Variants in CCNT1 observed in about 807,000 individuals in gnomAD.
CCNT1 encodes the protein cyclin T1.
Under a neutral mutation model 67.3 loss-of-function variants are expected in CCNT1, and 18 were observed. That is an observed-to-expected ratio of 0.27 (90% confidence interval 0.18 to 0.40). CCNT1 has a LOEUF of 0.40. CCNT1 is among the 10% of genes least tolerant of loss of function. The probability of loss-of-function intolerance (pLI) is 1.00; values close to 1 mark genes in which losing one functional copy is unlikely to be tolerated. For missense variants in CCNT1, 744 were observed against 884.9 expected, an observed-to-expected ratio of 0.84 and a Z score of 2.02; for synonymous variants, 333 against 310.3, an observed-to-expected ratio of 1.07 and a Z score of -0.77.
In CCNT1 at chr12:48,689,167, ACACT is replaced by A. The variant is rs3832822; in HGVS notation, c.*3862_*3865del. The A allele has an allele frequency of 3.3e-5, 5 of 152,226 alleles. No individual in the cohort carries two copies. The highest frequency in any genetic ancestry group is 1.2e-4 in the African/African-American group (5 of 41,450). 9.4% of individuals were successfully genotyped at this position (152,226 alleles called of 1,614,324 possible). On this transcript the variant is annotated 3_prime_UTR_variant, in exon 9 of 9. Coordinates refer to ENST00000261900, the MANE Select transcript of CCNT1 (RefSeq NM_001240.4). ...TCTTTTTTTCATTAGCCATGAATAA[ACACT>A]CACAAAGGGGAAGAGTAGACACTGC... is the stretch of plus-strand genomic sequence containing the variant.
intron 5 of CCNT1, 25 bp from the exon 6 acceptor site, chr12:48,698,208 G>A (rs749809935): frequency 6.8e-7 from 1 of 1,460,940 alleles, no homozygotes; most frequent in Non-Finnish European, 9.3e-7. Flanking sequence ...AAAAAGTCAG[G>A]GGTGGGGGAG....
intron 6 of CCNT1, chr12:48,697,853 AAAAT>A (rs200036072): frequency 0.44 from 53,639 of 121,244 alleles, 11,298 homozygotes; most frequent in East Asian, 0.69. Context: ...AAAAAAAAAA[AAAAT>A]ATATATATAT....
At chr12:48,716,177 C>T (rs1412667185) in intron 1 of CCNT1, among the ~76,000 whole-genome samples, 1 of 152,168 alleles carries the variant, frequency 6.6e-6, no homozygotes, top group African/African-American at 2.4e-5. Flanking sequence ...AGACCTAGAC[C>T]CCTAGGGCAC....
At position 48,693,042 on chromosome 12, in the gene CCNT1, A is replaced by C; in HGVS notation, c.2172T>G (p.Leu724=). Residue 724 remains leucine (L), a synonymous_variant, in exon 9 of 9, where the codon CTT becomes CTG. Coordinates refer to ENST00000261900, the MANE Select transcript of CCNT1 (RefSeq NM_001240.4). ...PSEPPPPLPP[L]PK ...TCTTCTTTTTCTTTTTTTACTTAGG[A>C]AGGGGTGGAAGTGGTGGAGGAGGTT... 1 of 1,546,336 alleles carries C rather than the reference A, an allele frequency of 6.5e-7. No individual in the cohort carries two copies. The highest frequency in any genetic ancestry group is 8.8e-7 in the Non-Finnish European group (1 of 1,137,752).
intron 3 of CCNT1, among the ~76,000 whole-genome samples, chr12:48,704,558 C>G (rs1273551319): frequency 6.6e-6 from 1 of 152,192 alleles, no homozygotes; most frequent in East Asian, 1.9e-4. Flanking sequence ...TGCCTGTAAT[C>G]CCACCACTGT....
Position 48,692,052 on chromosome 12 carries a change from G to T in CCNT1, c.*981C>A, listed in dbSNP as rs1940083351. The T allele has an allele frequency of 6.6e-6, 1 of 151,900 alleles. No individual in the cohort carries two copies. Among genetic ancestry groups the T allele is most frequent in the African/African-American group, 2.4e-5 (1 of 41,320 alleles). The allele number at this position is 151,900 out of a possible 1,614,324, so 9.4% of individuals were successfully genotyped here. ...AAAAAAGACACACCCAATTCTGTAG[G>T]GCAGAAGCTGGCCTTGCTCGCCAAC... On this transcript the variant is annotated 3_prime_UTR_variant, in exon 9 of 9. Coordinates refer to ENST00000261900, the MANE Select transcript of CCNT1 (RefSeq NM_001240.4).
chr12:48,713,195 T>C (rs1046288529), intron 2 of CCNT1, among the ~76,000 whole-genome samples: 1 of 131,784 alleles, frequency 7.6e-6, no homozygotes, highest in Non-Finnish European at 1.6e-5. Context: ...TAAAATTTTT[T>C]TTACCTTTTT....
rs1487615893 is a variant in CCNT1 at position 48,690,018 on chromosome 12, T to C, written c.*3015A>G. On this transcript the variant is annotated 3_prime_UTR_variant, in exon 9 of 9. Transcript: ENST00000261900. ...GAAGAAAAAAGAAGTTGAGGCTCTC[T>C]GATATGGACATACACTGATTCATGA... 1 of 152,222 alleles carries C rather than the reference T, an allele frequency of 6.6e-6. No individual in the cohort carries two copies. Among genetic ancestry groups the C allele is most frequent in the East Asian group, 1.9e-4 (1 of 5,200 alleles). 9.4% of individuals were successfully genotyped at this position (152,222 alleles called of 1,614,324 possible).
intron 8 of CCNT1, 150 bp from the exon 9 acceptor site, chr12:48,694,586 C>T (rs1940140713): frequency 1.6e-6 from 1 of 638,622 alleles, no homozygotes; most frequent in Non-Finnish European, 2.7e-6. Context: ...ATAAATATTA[C>T]CATCAAGAGA....
chr12:48,704,862 G>A (rs535535495), intron 3 of CCNT1, among the ~76,000 whole-genome samples: 110 of 152,188 alleles, frequency 7.2e-4, no homozygotes, highest in African/African-American at 2.4e-3. Context: ...GGTGAGTTAC[G>A]TAATTATTTC....
chr12:48,694,071 A>G lies in CCNT1; in HGVS notation c.1143T>C (p.Ser381=), dbSNP rs761810871. The G allele has an allele frequency of 6.2e-7, 1 of 1,614,146 alleles. No homozygotes were observed. The highest frequency in any genetic ancestry group is 1.6e-4 in the Middle Eastern group (1 of 6,062). The change falls in exon 9 of 9, where the codon AGT becomes AGC. Residue 381 remains serine (S), a synonymous_variant. Coordinates refer to ENST00000261900, the MANE Select transcript of CCNT1 (RefSeq NM_001240.4). ...TCAGTGACACTTTAGCTGATGGCAC[A>G]CTCTTACTATTCTGCTTCTGGGAAA... ...AFISQKQNSK[S]VPSAKVSLKE...
intron 1 of CCNT1, among the ~76,000 whole-genome samples, chr12:48,715,909 G>C (rs1940526178): frequency 6.6e-6 from 1 of 152,186 alleles, no homozygotes; most frequent in South Asian, 2.1e-4. Context: ...CTATAAAACA[G>C]TAGCTACTAA....
chr12:48,706,028 C>T, intron 2 of CCNT1, 132 bp from the exon 3 acceptor site: 1 of 727,430 alleles, frequency 1.4e-6, no homozygotes, highest in Non-Finnish European at 2.1e-6. Context: ...TTACCCTTTC[C>T]CGCCCCCCCG....
At chr12:48,713,899 T>C (rs1253672434) in intron 2 of CCNT1, among the ~76,000 whole-genome samples, 1 of 151,864 alleles carries the variant, frequency 6.6e-6, no homozygotes, top group African/African-American at 2.4e-5. Flanking sequence ...ATCTGTTTTT[T>C]GGGGTTTTTT....
At position 48,693,375 on chromosome 12, in the gene CCNT1, C is replaced by G. The variant is rs770699363; in HGVS notation, c.1839G>C (p.Met613Ile). ...SFPSLPTMGQ[M>I]PGHSSDTSGL... ...CACTTGTGTCTGAGCTATGCCCAGGCATCTGACCCATTGTAGGAAGTGAAG... is the reference window on the plus strand; with the variant it reads ...CACTTGTGTCTGAGCTATGCCCAGGGATCTGACCCATTGTAGGAAGTGAAG... Residue 613 changes from methionine to isoleucine, a missense_variant, in exon 9 of 9, where the codon ATG becomes ATC. Around this residue, in one of 3 missense-constraint regions of CCNT1, gnomAD observed 564 missense variants for 574.2 expected, o/e 0.98. Coordinates refer to ENST00000261900, the MANE Select transcript of CCNT1 (RefSeq NM_001240.4). The G allele has an allele frequency of 6.2e-7, 1 of 1,614,210 alleles. No individual in the cohort carries two copies. The highest frequency in any genetic ancestry group is 8.5e-7 in the Non-Finnish European group (1 of 1,180,040).
intron 2 of CCNT1, among the ~76,000 whole-genome samples, chr12:48,713,301 C>CTGT (rs2137245908): frequency 6.6e-6 from 1 of 151,508 alleles, no homozygotes; most frequent in South Asian, 2.1e-4. Context: ...TCCCAAGGTG[C>CTGT]TGTGATTATA....
chr12:48,703,732 C>T (rs1303962230), intron 3 of CCNT1, among the ~76,000 whole-genome samples: 1 of 151,862 alleles, frequency 6.6e-6, no homozygotes, highest in South Asian at 2.1e-4. Context: ...CTCAGGAGGT[C>T]GAGAGCAGCC....
chr12:48,713,424 A>C (rs963086149), intron 2 of CCNT1, among the ~76,000 whole-genome samples: 3 of 152,202 alleles, frequency 2.0e-5, no homozygotes, highest in African/African-American at 7.2e-5. Context: ...AATTTTATCA[A>C]AGGCTTTTGG....
rs2137223518 is a variant in CCNT1 at position 48,694,390 on chromosome 12, T to C, written c.824A>G (p.Asp275Gly). The C allele has an allele frequency of 6.2e-7, 1 of 1,614,214 alleles. No individual in the cohort carries two copies. Among genetic ancestry groups the C allele is most frequent in the Non-Finnish European group, 8.5e-7 (1 of 1,180,014 alleles). Residue 275 changes from aspartate to glycine, a missense_variant, in exon 9 of 9, where the codon GAT becomes GGT. Asp to Gly is a moderately conservative substitution (Grantham distance 94, BLOSUM62 -1). Around this residue, in one of 3 missense-constraint regions of CCNT1, gnomAD observed 564 missense variants for 574.2 expected, o/e 0.98. Coordinates refer to ENST00000261900, the MANE Select transcript of CCNT1 (RefSeq NM_001240.4). The stretch of plus-strand genomic sequence containing the variant: ...GATTGTCTGCTCTGAAGTCTTTTCA[T>C]CTGTTCCTCGGTCATCTGCTTTTGT... ...KKTKADDRGTDEKTSEQTILN... is the reference protein window; with the variant it reads ...KKTKADDRGTGEKTSEQTILN...
Sources: gnomAD v4.1 joint callset for allele counts (sites outside exome capture counted in the v4.1 genomes callset) on GRCh38, gnomAD v4.1.1 for gene constraint, gnomAD v4.1.1 regional missense constraint, MANE v1.5 for transcripts, NCBI Gene and HGNC (gene_info 2026-07-23, HGNC 2026-07-21) for gene names.